MXD1: variants seen among roughly 807,000 people sequenced by gnomAD.
MXD1 encodes the protein MAX dimerization protein 1.
In MXD1, 9 loss-of-function variants were observed where a neutral mutation model predicts 25.7. The observed-to-expected ratio is 0.35, with a 90% CI of 0.21 to 0.61. The LOEUF (loss-of-function observed/expected upper bound fraction) is 0.61, where lower values mean the gene tolerates loss of function less well. Among genes scored for constraint, MXD1 ranks in the 20% least tolerant of loss-of-function variants. The pLI, the probability that MXD1 is intolerant of heterozygous loss-of-function variation, is 0.75. For missense variants in MXD1, 227 were observed against 292.4 expected (o/e 0.78, Z 1.63); for synonymous variants, 99 against 113.9 (o/e 0.87, Z 0.83).
intron 3 of MXD1, among the ~76,000 whole-genome samples, chr2:69,932,829 G>T (rs1280300841): frequency 6.6e-6 from 1 of 152,114 alleles, no homozygotes; most frequent in African/African-American, 2.4e-5. Flanking sequence ...GTACTAAAAT[G>T]ACACTGTTCT....
chr2:69,938,242 A>G lies in MXD1; in HGVS notation c.624A>G (p.Arg208=). 1.2e-6 allele frequency: 2 copies of G among 1,614,180 alleles called. No homozygotes were observed. Among genetic ancestry groups the G allele is most frequent in the Non-Finnish European group, 1.7e-6 (2 of 1,180,020 alleles). ...GCTATTCCAGCACCAGCATCAAGAG[A>G]ATAAAGCTGCAGGACAGTCACAAGG... is the stretch of plus-strand genomic sequence containing the variant. The part of the protein sequence containing the change: ...DEGYSSTSIK[R]IKLQDSHKAC... The change falls in exon 6 of 6, where the codon AGA becomes AGG. Residue 208 remains arginine, a synonymous_variant. Transcript: ENST00000264444.
intron 4 of MXD1, among the ~76,000 whole-genome samples, chr2:69,936,840 C>T (rs770913177): frequency 9.2e-5 from 14 of 152,126 alleles, no homozygotes; most frequent in Non-Finnish European, 1.3e-4. Context: ...TAAATGGAAG[C>T]GTGTTTCTTA....
intron 3 of MXD1, among the ~76,000 whole-genome samples, chr2:69,929,187 C>A (rs1443502508): frequency 6.6e-6 from 1 of 152,250 alleles, no homozygotes; most frequent in Non-Finnish European, 1.5e-5. Context: ...GCCACTGCGC[C>A]CGGCCCAGCC....
intron 5 of MXD1, among the ~76,000 whole-genome samples, chr2:69,937,894 G>A (rs750399138): frequency 5.9e-5 from 9 of 151,842 alleles, no homozygotes; most frequent in African/African-American, 1.7e-4. Flanking sequence ...GATTACAGGC[G>A]TGAGCCACCA....
rs550927987 is a variant in MXD1 at position 69,925,517 on chromosome 2, A to G, written c.203+3752A>G. Among the ~76,000 whole-genome samples the G allele has an allele frequency of 1.1e-4, 17 of 152,300 alleles. No individual in the cohort carries two copies. In the South Asian group the frequency reaches 3.1e-3, roughly 28 times the overall value. ...GGCCTCTCAGAGGTAACACCTGCTAACATTTGTTCTATATCCATCTAGACT... is the reference window on the plus strand; with the variant it reads ...GGCCTCTCAGAGGTAACACCTGCTAGCATTTGTTCTATATCCATCTAGACT... On this transcript the variant is annotated intron_variant, in intron 3 of 5. Coordinates refer to ENST00000264444, the MANE Select transcript of MXD1 (RefSeq NM_002357.4).
chr2:69,923,457 C>G (rs1677110170), intron 3 of MXD1, among the ~76,000 whole-genome samples: 1 of 152,164 alleles, frequency 6.6e-6, no homozygotes, highest in East Asian at 1.9e-4. Flanking sequence ...GAAAAAGGAG[C>G]CTGACTCTGA....
chr2:69,928,177 G>A (rs1174390318), intron 3 of MXD1, among the ~76,000 whole-genome samples: 1 of 151,926 alleles, frequency 6.6e-6, no homozygotes, highest in Non-Finnish European at 1.5e-5. Flanking sequence ...AATTATTTTT[G>A]TTCAAACTCC....
chr2:69,925,248 ATGTGTGTG>A (rs59577798), intron 3 of MXD1, among the ~76,000 whole-genome samples: 4 of 149,588 alleles, frequency 2.7e-5, no homozygotes, highest in Non-Finnish European at 6.0e-5. Context: ...AGGGTGGGGT[ATGTGTGTG>A]TGTGTGTGTG....
intron 4 of MXD1, among the ~76,000 whole-genome samples, chr2:69,936,351 C>G (rs1677438455): frequency 6.6e-6 from 1 of 152,096 alleles, no homozygotes; most frequent in African/African-American, 2.4e-5. Context: ...GGGACTGGGT[C>G]TTTGTGCTCA....
rs758031136 is a variant in MXD1 at position 69,916,260 on chromosome 2, T to C, written c.173+40T>C. ...ACTTCTTTCTGTCTTTTAGATTATATTGTAGGTGACACAAACTGCTGAATG... is the reference window on the plus strand; with the variant it reads ...ACTTCTTTCTGTCTTTTAGATTATACTGTAGGTGACACAAACTGCTGAATG... On this transcript the variant is annotated intron_variant, in intron 2 of 5. Transcript: ENST00000264444. The C allele has an allele frequency of 3.2e-6, 4 of 1,234,740 alleles. No individual in the cohort carries two copies. In the East Asian group the frequency reaches 9.7e-5, roughly 30 times the overall value. The allele number at this position is 1,234,740 out of a possible 1,614,324, so 76.5% of individuals were successfully genotyped here. A position where few individuals can be genotyped will look rare whatever the true frequency, so the allele number is the denominator to read the frequency against.
chr2:69,921,839 T>C, intron 3 of MXD1, 74 bp downstream of exon 3: 1 of 1,514,982 alleles, frequency 6.6e-7, no homozygotes, highest in South Asian at 1.2e-5. Flanking sequence ...CAAACTTGGT[T>C]GCTCTTTTTG....
chr2:69,928,773 G>A lies in MXD1; in HGVS notation c.204-6578G>A, dbSNP rs554881974. ...AGGTGGGAGGATTGATTGAGTCTGC[G>A]AAGTTGATGCTACAGTAAACTGTGA... On this transcript the variant is annotated intron_variant, in intron 3 of 5. Coordinates refer to ENST00000264444, the MANE Select transcript of MXD1 (RefSeq NM_002357.4). 5.3e-5 allele frequency among the ~76,000 whole-genome samples: 8 copies of A among 151,638 alleles called. No homozygotes were observed. In the East Asian group the frequency reaches 1.4e-3, roughly 26 times the overall value.
intron 4 of MXD1, among the ~76,000 whole-genome samples, chr2:69,936,737 A>G (rs1293593615): frequency 2.0e-5 from 3 of 152,232 alleles, no homozygotes; most frequent in African/African-American, 7.2e-5. Context: ...AGGGACTATT[A>G]TTTCCTGCTA....
Position 69,938,938 on chromosome 2 carries a change from A to G in MXD1, c.*654A>G, listed in dbSNP as rs1159719567. On this transcript the variant is annotated 3_prime_UTR_variant, in exon 6 of 6. Transcript: ENST00000264444. ...GTCTCTGGGGTTGCACAGCTCATCAAAGTTCCAAATTGTTTGTTCTCACAA... is the reference window on the plus strand; with the variant it reads ...GTCTCTGGGGTTGCACAGCTCATCAGAGTTCCAAATTGTTTGTTCTCACAA... The G allele has an allele frequency of 6.6e-6, 1 of 152,628 alleles. No homozygotes were observed. Among genetic ancestry groups the G allele is most frequent in the Non-Finnish European group, 1.5e-5 (1 of 68,034 alleles). The allele number at this position is 152,628 out of a possible 1,614,324, so 9.5% of individuals were successfully genotyped here.
Position 69,937,297 on chromosome 2 carries a change from A to C in MXD1, c.381A>C (p.Arg127=). ...HQIDQLQREQ[R]HLKRQLEKLG... ...TCGACCAGCTTCAGCGAGAGCAGCG[A>C]CACCTGAAGAGGCAGCTGGAGAAGC... is the stretch of plus-strand genomic sequence containing the variant. The change falls in exon 5 of 6, where the codon CGA becomes CGC. Residue 127 remains arginine, a synonymous_variant. Transcript: ENST00000264444. The C allele has an allele frequency of 6.2e-7, 1 of 1,614,230 alleles. No homozygotes were observed. The highest frequency in any genetic ancestry group is 8.5e-7 in the Non-Finnish European group (1 of 1,180,044).
At chr2:69,923,582 G>A (rs1049122386) in intron 3 of MXD1, among the ~76,000 whole-genome samples, 2 of 39,278 alleles carry the variant, frequency 5.1e-5, no homozygotes, top group Non-Finnish European at 9.2e-5. Flanking sequence ...ATGGAATTTC[G>A]TGTGTGTGTG....
chr2:69,916,268 G>T, intron 2 of MXD1, 48 bp downstream of exon 2: 1 of 1,100,386 alleles, frequency 9.1e-7, no homozygotes, highest in South Asian at 1.3e-5. Flanking sequence ...TATTGTAGGT[G>T]ACACAAACTG....
intron 3 of MXD1, among the ~76,000 whole-genome samples, chr2:69,930,735 A>G (rs1000250393): frequency 1.3e-5 from 2 of 152,216 alleles, no homozygotes; most frequent in African/African-American, 4.8e-5. Flanking sequence ...TAAAAGGAAT[A>G]TCATAGTGCT....
intron 3 of MXD1, 96 bp downstream of exon 3, chr2:69,921,861 T>A: frequency 1.7e-6 from 2 of 1,156,036 alleles, no homozygotes; most frequent in Non-Finnish European, 2.5e-6. Context: ...CTCTTCCCAC[T>A]AGTAGCACCT....
Sources: allele counts gnomAD v4.1 joint callset (sites outside exome capture counted in the v4.1 genomes callset), GRCh38; gene constraint gnomAD v4.1.1; transcripts MANE v1.5; gene names NCBI Gene and HGNC (gene_info 2026-07-23, HGNC 2026-07-21).